The following ASB2 variants were observed in gnomAD, a reference collection of about 807,000 sequenced individuals.
The protein encoded by ASB2 is ankyrin repeat and SOCS box protein 2.
ASB2 carries 58 observed loss-of-function variants against 62.4 expected under a neutral mutation model. The ratio of observed to expected loss-of-function variants is 0.93; its 90% confidence interval spans 0.75 to 1.16. The LOEUF (loss-of-function observed/expected upper bound fraction) is 1.16, where lower values mean the gene tolerates loss of function less well. Ranked by LOEUF, ASB2 falls within the 50% of genes most tolerant of loss-of-function variation. The pLI, the probability that ASB2 is intolerant of heterozygous loss-of-function variation, is 0.00. For missense variants in ASB2, 928 were observed against 887.9 expected (o/e 1.05, Z -0.57); for synonymous variants, 386 against 385.3 (o/e 1.00, Z -0.02).
In ASB2 at chr14:93,971,290, G is replaced by A. The variant is rs76043527; in HGVS notation, c.-74+5144C>T. Among the ~76,000 whole-genome samples the A allele has an allele frequency of 2.6e-5, 4 of 152,266 alleles. No individual in the cohort carries two copies. In the East Asian group the frequency reaches 7.7e-4, roughly 29 times the overall value. Reference sequence around the variant, plus strand: ...GCTTGGGGAGGAAGGGGATCTCCACGCCCTCCCCCGAAGCCAGCTTGGGTG... The same window carrying A: ...GCTTGGGGAGGAAGGGGATCTCCACACCCTCCCCCGAAGCCAGCTTGGGTG... On this transcript the variant is annotated intron_variant, in intron 1 of 9. Transcript: ENST00000555019.
chr14:93,962,260 G>A lies in ASB2; in HGVS notation c.206+2074C>T, dbSNP rs539911174. On this transcript the variant is annotated intron_variant, in intron 2 of 9. Transcript: ENST00000555019. ...TTCCCAAGTAGCTGGGACTACAGGC[G>A]CCCGCCACTACGCCCGGCTAATTTT... Among the ~76,000 whole-genome samples the A allele has an allele frequency of 4.9e-3, 743 of 150,826 alleles. 6 individuals carry two copies. Among genetic ancestry groups the A allele is most frequent in the African/African-American group, 0.017 (686 of 41,212 alleles).
chr14:93,937,299 T>C (rs1053033509), intron 9 of ASB2, among the ~76,000 whole-genome samples: 42 of 152,274 alleles, frequency 2.8e-4, no homozygotes, highest in African/African-American at 1.0e-3. Context: ...AGGTGCTTCA[T>C]GTGCACTTTA....
chr14:93,934,975 T>C (rs1567016916), intron 9 of ASB2, among the ~76,000 whole-genome samples, 183 bp from the exon 10 acceptor site: 1 of 152,142 alleles, frequency 6.6e-6, no homozygotes, highest in Non-Finnish European at 1.5e-5. Flanking sequence ...CTTCCCATTG[T>C]TCACCCCTCA....
chr14:93,964,531 C>T lies in ASB2; in HGVS notation c.9G>A (p.Thr3=), dbSNP rs1024912654. The change falls in exon 2 of 10, where the codon ACG becomes ACA. Residue 3 remains threonine, a synonymous_variant. Coordinates refer to ENST00000555019, the MANE Select transcript of ASB2 (RefSeq NM_001202429.2). MA[T]QISTRGSQCT... is the part of the protein sequence containing the mutation. ...ACTGGCTGCCCCGAGTGCTGATCTG[C>T]GTGGCCATCCTCCTCCACCTCTCAC... 7.8e-6 allele frequency: 12 copies of T among 1,535,976 alleles called. No individual in the cohort carries two copies. The highest frequency in any genetic ancestry group is 2.4e-5 in the East Asian group (1 of 40,934).
chr14:93,944,077 T>G (rs986358569), intron 7 of ASB2: 1 of 449,508 alleles, frequency 2.2e-6, no homozygotes, highest in Admixed American at 2.4e-5. Flanking sequence ...CACAGTAAAA[T>G]CTCCCGGGCA....
At chr14:93,973,347 T>C (rs1367690491) in intron 1 of ASB2, among the ~76,000 whole-genome samples, 2 of 152,188 alleles carry the variant, frequency 1.3e-5, no homozygotes, top group Non-Finnish European at 2.9e-5. Flanking sequence ...GTCTTGGTAA[T>C]TTATTTACTT....
intron 2 of ASB2, among the ~76,000 whole-genome samples, chr14:93,962,785 T>C (rs1172831111): frequency 6.6e-6 from 1 of 152,214 alleles, no homozygotes; most frequent in East Asian, 1.9e-4. Context: ...CAGCAGGCCC[T>C]GTCTTCAGAG....
At chr14:93,976,262 C>T (rs1889909525) in intron 1 of ASB2, among the ~76,000 whole-genome samples, 172 bp downstream of exon 1, 2 of 152,108 alleles carry the variant, frequency 1.3e-5, no homozygotes, top group African/African-American at 4.8e-5. Flanking sequence ...TCATTGCATC[C>T]AAAACGAAAG....
chr14:93,966,402 C>A (rs1889592531), intron 1 of ASB2, among the ~76,000 whole-genome samples: 1 of 152,182 alleles, frequency 6.6e-6, no homozygotes, highest in African/African-American at 2.4e-5. Context: ...TGGGGTGCTC[C>A]TATGGAAGAC....
rs199862433 is a variant in ASB2 at position 93,950,986 on chromosome 14, C to T, written c.880+13G>A. 1.1e-3 allele frequency: 1,819 copies of T among 1,609,724 alleles called. 4 individuals carry two copies. Among genetic ancestry groups the T allele is most frequent in the Non-Finnish European group, 1.4e-3 (1,666 of 1,177,670 alleles). On this transcript the variant is annotated intron_variant, in intron 6 of 9. Transcript: ENST00000555019. ...TTGGGGACTCCATGACCTAGGGACCCTTAGCCACTCACCGTACTTGGCTAA... is the reference window on the plus strand; with the variant it reads ...TTGGGGACTCCATGACCTAGGGACCTTTAGCCACTCACCGTACTTGGCTAA...
At chr14:93,938,233 C>CTTTTTTTTTTTTTTTT (rs35127276) in intron 8 of ASB2, among the ~76,000 whole-genome samples, 3 of 67,586 alleles carry the variant, frequency 4.4e-5, no homozygotes, top group Non-Finnish European at 7.9e-5. Context: ...TAAGTTCTGA[C>CTTTTTTTTTTTTTTTT]TTTTTTTTTT....
rs530488927 is a variant in ASB2 at position 93,939,531 on chromosome 14, C to G, written c.1194G>C (p.Pro398=). The change falls in exon 8 of 10, where the codon CCG becomes CCC. Residue 398 remains proline (P), a synonymous_variant. Transcript: ENST00000555019. ...LLSARFDVNT[P]LAPERARLYE... Reference sequence around the variant, plus strand: ...AGAGGCGCGCGCGCTCGGGGGCCAGCGGCGTGTTCACGTCGAAGCGCGCGC... The same window carrying G: ...AGAGGCGCGCGCGCTCGGGGGCCAGGGGCGTGTTCACGTCGAAGCGCGCGC... 7.5e-6 allele frequency: 12 copies of G among 1,603,482 alleles called. No homozygotes were observed. In the African/African-American group the frequency reaches 8.0e-5, roughly 11 times the overall value.
At chr14:93,954,561 G>C (rs1889103451) in intron 3 of ASB2, 78 bp from the exon 4 acceptor site, 3 of 1,349,928 alleles carry the variant, frequency 2.2e-6, no homozygotes, top group Middle Eastern at 4.1e-4. Flanking sequence ...AGGAGTGCTG[G>C]CAGTGGAGTC....
intron 2 of ASB2, among the ~76,000 whole-genome samples, chr14:93,963,439 T>C (rs1889476644): frequency 6.6e-6 from 1 of 152,144 alleles, no homozygotes; most frequent in Non-Finnish European, 1.5e-5. Flanking sequence ...TATAGAGGTC[T>C]TTTCCAAATG....
At chr14:93,943,634 G>A (rs567741288) in intron 7 of ASB2, among the ~76,000 whole-genome samples, 6 of 152,158 alleles carry the variant, frequency 3.9e-5, no homozygotes, top group South Asian at 4.2e-4. Context: ...ACAGAGAGTC[G>A]GTCTCAAAAA....
At chr14:93,956,915 A>G (rs773054612) in intron 2 of ASB2, 45 bp from the exon 3 acceptor site, 22 of 1,611,448 alleles carry the variant, frequency 1.4e-5, no homozygotes, top group Non-Finnish European at 1.7e-5. Context: ...AGTACTCTGC[A>G]TAGGAGAAGC....
At position 93,951,480 on chromosome 14, in the gene ASB2, C is replaced by G. The variant is rs79038484; in HGVS notation, c.635-236G>C. 9.3e-3 allele frequency among the ~76,000 whole-genome samples: 1,412 copies of G among 152,338 alleles called. 26 individuals carry two copies. Among genetic ancestry groups the G allele is most frequent in the African/African-American group, 0.032 (1,346 of 41,560 alleles). On this transcript the variant is annotated intron_variant, in intron 5 of 9. Coordinates refer to ENST00000555019, the MANE Select transcript of ASB2 (RefSeq NM_001202429.2). The stretch of plus-strand genomic sequence containing the variant: ...CCTAGTACTGGTTCTGTGCCAGGCT[C>G]TCTGTTCTAAGCACATTTTACAGGA...
At chr14:93,943,127 G>A (rs905874749) in intron 7 of ASB2, among the ~76,000 whole-genome samples, 28 of 152,184 alleles carry the variant, frequency 1.8e-4, no homozygotes, top group Admixed American at 1.4e-3. Context: ...CCCAGGTCCA[G>A]GTTACAAAGC....
chr14:93,969,989 G>T (rs1889713523), intron 1 of ASB2: 1 of 152,390 alleles, frequency 6.6e-6, no homozygotes, highest in East Asian at 1.9e-4. Context: ...TGGGAAAAGA[G>T]ACATGGACCC....
Sources: allele counts gnomAD v4.1 joint callset (sites outside exome capture counted in the v4.1 genomes callset), GRCh38; gene constraint gnomAD v4.1.1; transcripts MANE v1.5; gene names NCBI Gene and HGNC (gene_info 2026-07-23, HGNC 2026-07-21).